The following PARD3 variants were observed in gnomAD, a reference collection of about 807,000 sequenced individuals.
PARD3 encodes par-3 family cell polarity regulator, also known as partitioning defective 3 homolog.
A neutral mutation model predicts 155.4 loss-of-function variants in PARD3; 75 were observed. That is an observed-to-expected ratio of 0.48 (90% CI 0.40 to 0.58). The LOEUF is 0.58. Among genes scored for constraint, PARD3 ranks in the 20% least tolerant of loss-of-function variants. The pLI is 0.00. For synonymous variants in PARD3, 576 were observed against 610.5 expected, an observed-to-expected ratio of 0.94 and a Z score of 0.83; for missense variants, 1,642 against 1,721.7, an observed-to-expected ratio of 0.95 and a Z score of 0.82.
At chr10:34,221,715 T>A (rs1393795742) in intron 22 of PARD3, among the ~76,000 whole-genome samples, 1 of 152,182 alleles carries the variant, frequency 6.6e-6, no homozygotes, top group Non-Finnish European at 1.5e-5. Context: ...TCAGGCAACC[T>A]GTAGTACCCT....
chr10:34,351,667 T>C (rs1838097144), intron 14 of PARD3, among the ~76,000 whole-genome samples: 1 of 152,248 alleles, frequency 6.6e-6, no homozygotes, highest in Non-Finnish European at 1.5e-5. Flanking sequence ...AGTCAGCACA[T>C]GGCAGAACCA....
At chr10:34,478,176 G>A (rs2078837486) in intron 3 of PARD3, among the ~76,000 whole-genome samples, 1 of 152,076 alleles carries the variant, frequency 6.6e-6, no homozygotes, top group Admixed American at 6.5e-5. Flanking sequence ...TTCTATATAA[G>A]CAATAAATAC....
chr10:34,470,641 A>G (rs1320953377), intron 3 of PARD3, among the ~76,000 whole-genome samples: 1 of 152,226 alleles, frequency 6.6e-6, no homozygotes, highest in Non-Finnish European at 1.5e-5. Flanking sequence ...GGGGTTAAAC[A>G]GTGCTAGACA....
rs1957388470 is a variant in PARD3, at chr10:34,305,984, A to T, written c.3065+11123T>A. Among the ~76,000 whole-genome samples the T allele has an allele frequency of 5.3e-5, 8 of 152,118 alleles. No individual in the cohort carries two copies. In the South Asian group the frequency reaches 1.7e-3, roughly 32 times the overall value. ...AGAGCAAGATCCTGTCTCTAAAAAA[A>T]TTTTTTTATTAAAAAAATTCAAAAT... On this transcript the variant is annotated intron_variant, in intron 20 of 24. Coordinates refer to ENST00000374788, the MANE Select transcript of PARD3 (RefSeq NM_001184785.2).
At chr10:34,600,721 TC>T (rs2089688467) in intron 2 of PARD3, among the ~76,000 whole-genome samples, 1 of 152,160 alleles carries the variant, frequency 6.6e-6, no homozygotes, top group African/African-American at 2.4e-5. Flanking sequence ...GAAAGACTCC[TC>T]CCCAAACAGT....
At chr10:34,614,147 A>G (rs2091097385) in intron 2 of PARD3, among the ~76,000 whole-genome samples, 2 of 152,242 alleles carry the variant, frequency 1.3e-5, no homozygotes, top group South Asian at 4.1e-4. Flanking sequence ...CTTCTTGGGA[A>G]AAGTAATAAT....
intron 9 of PARD3, among the ~76,000 whole-genome samples, chr10:34,381,281 T>A (rs926252273): frequency 6.6e-6 from 1 of 152,154 alleles, no homozygotes; most frequent in Non-Finnish European, 1.5e-5. Flanking sequence ...GAGGAAATAA[T>A]GAACCTCTCT....
Position 34,815,244 on chromosome 10 carries a change from G to T in PARD3, c.-249C>A. ...CCCCGCCGCGGCGCCCGCAGCCTCC[G>T]GCCACCTGTTCGGCGTCGCGGCGCG... is the stretch of plus-strand genomic sequence containing the variant. On this transcript the variant is annotated 5_prime_UTR_variant, in exon 1 of 25. Coordinates refer to ENST00000374788, the MANE Select transcript of PARD3 (RefSeq NM_001184785.2). 1 of 155,688 alleles carries T rather than the reference G, an allele frequency of 6.4e-6. No homozygotes were observed. The highest frequency in any genetic ancestry group is 1.9e-4 in the South Asian group (1 of 5,158). The allele number at this position is 155,688 out of a possible 1,614,324, so 9.6% of individuals were successfully genotyped here. A position where few individuals can be genotyped will look rare whatever the true frequency, so the allele number is the denominator to read the frequency against.
At chr10:34,234,443 A>C (rs915291757) in intron 22 of PARD3, among the ~76,000 whole-genome samples, 1 of 152,118 alleles carries the variant, frequency 6.6e-6, no homozygotes, top group Non-Finnish European at 1.5e-5. Flanking sequence ...CATACCACTC[A>C]ACACACTGTA....
chr10:34,815,024 C>A lies in PARD3; in HGVS notation c.-29G>T. ...GCCGCCGCCGCGGGCGGGCCCGCGCCCCTCGCCGAGCGCAGCCGGAGCAGC... is the reference window on the plus strand; with the variant it reads ...GCCGCCGCCGCGGGCGGGCCCGCGCACCTCGCCGAGCGCAGCCGGAGCAGC... On this transcript the variant is annotated 5_prime_UTR_variant, in exon 1 of 25. Transcript: ENST00000374788. 7.2e-7 allele frequency: 1 copy of A among 1,389,856 alleles called. No individual in the cohort carries two copies. The highest frequency in any genetic ancestry group is 9.4e-7 in the Non-Finnish European group (1 of 1,066,104). The allele number at this position is 1,389,856 out of a possible 1,614,324, so 86.1% of individuals were successfully genotyped here.
chr10:34,178,006 A>C lies in PARD3; in HGVS notation c.3420-46423T>G, dbSNP rs866129455. Among the ~76,000 whole-genome samples the C allele has an allele frequency of 1.2e-4, 18 of 152,352 alleles. 2 individuals carry two copies. The South Asian group carries it at 3.7e-3, about 32-fold the overall frequency. On this transcript the variant is annotated intron_variant, in intron 22 of 24. Transcript: ENST00000374788. ...CTATTGCAGGAAAACATAACCTAAA[A>C]TATACATATCAATGTCTGCATAAGG...
rs138254468 is a variant in PARD3, at chr10:34,255,527, C to T, written c.3419+14130G>A. Among the ~76,000 whole-genome samples, 517 of 152,258 alleles carry T rather than the reference C, an allele frequency of 3.4e-3. 3 individuals are homozygous for T. The highest frequency in any genetic ancestry group is 0.022 in the South Asian group (105 of 4,820). On this transcript the variant is annotated intron_variant, in intron 22 of 24. Coordinates refer to ENST00000374788, the MANE Select transcript of PARD3 (RefSeq NM_001184785.2). ...AAATTACTGCTTTTCAAACTTTCTG[C>T]CTGGTAATGAATGACCTGTTAAGTA...
At chr10:34,224,743 G>A (rs1182401290) in intron 22 of PARD3, among the ~76,000 whole-genome samples, 1 of 152,318 alleles carries the variant, frequency 6.6e-6, no homozygotes, top group African/African-American at 2.4e-5. Flanking sequence ...AGGTGGAACT[G>A]GTCGCGTGTC....
chr10:34,423,562 C>T (rs907830436), intron 5 of PARD3, among the ~76,000 whole-genome samples: 27 of 152,028 alleles, frequency 1.8e-4, no homozygotes, highest in African/African-American at 5.1e-4. Flanking sequence ...CAAATCAAGT[C>T]GTGCACAATA....
chr10:34,138,588 C>T (rs1948021769), intron 22 of PARD3, among the ~76,000 whole-genome samples: 1 of 152,168 alleles, frequency 6.6e-6, no homozygotes, highest in South Asian at 2.1e-4. Flanking sequence ...GGGTCAAACA[C>T]ACAACTCACA....
At chr10:34,164,741 T>G (rs1949442516) in intron 22 of PARD3, among the ~76,000 whole-genome samples, 1 of 152,230 alleles carries the variant, frequency 6.6e-6, no homozygotes, top group Non-Finnish European at 1.5e-5. Context: ...TATGTAAAGT[T>G]GTTCTTTTTT....
intron 2 of PARD3, among the ~76,000 whole-genome samples, chr10:34,638,916 T>C (rs1196066967): frequency 6.6e-6 from 1 of 152,214 alleles, no homozygotes; most frequent in South Asian, 2.1e-4. Context: ...GAAATAAAAT[T>C]AAGTTCTTTC....
chr10:34,445,533 G>C (rs930376606), intron 5 of PARD3, among the ~76,000 whole-genome samples: 43 of 152,224 alleles, frequency 2.8e-4, no homozygotes, highest in African/African-American at 1.0e-3. Context: ...AGTCCACATA[G>C]ACAACTAACT....
At chr10:34,421,015 A>G (rs1304718461) in intron 5 of PARD3, among the ~76,000 whole-genome samples, 1 of 152,118 alleles carries the variant, frequency 6.6e-6, no homozygotes, top group African/African-American at 2.4e-5. Flanking sequence ...CATCTCTACA[A>G]ATAAAAAAAA....
Sources: gnomAD v4.1 joint callset for allele counts (sites outside exome capture counted in the v4.1 genomes callset) on GRCh38, gnomAD v4.1.1 for gene constraint, MANE v1.5 for transcripts, NCBI Gene and HGNC (gene_info 2026-07-23, HGNC 2026-07-21) for gene names.